DNAJB6: variants seen among roughly 807,000 people sequenced by gnomAD.
DNAJB6 encodes the protein DnaJ heat shock protein family (Hsp40) member B6, also known as dnaJ homolog subfamily B member 6.
Under a neutral mutation model 42.7 loss-of-function variants are expected in DNAJB6, and 16 were observed. That is an observed-to-expected ratio of 0.37 (90% CI 0.25 to 0.57). The LOEUF is 0.57. Among genes scored for constraint, DNAJB6 ranks in the 20% least tolerant of loss-of-function variants. The pLI is 0.74. For missense variants in DNAJB6, 347 were observed against 416.8 expected, an observed-to-expected ratio of 0.83 and a Z score of 1.46; for synonymous variants, 170 against 163.5, an observed-to-expected ratio of 1.04 and a Z score of -0.30.
intron 5 of DNAJB6, among the ~76,000 whole-genome samples, chr7:157,376,275 T>A (rs983453858): frequency 6.6e-6 from 1 of 150,564 alleles, no homozygotes; most frequent in Non-Finnish European, 1.5e-5. Flanking sequence ...TATATATATA[T>A]TTTTTGGTCA....
chr7:157,367,717 G>A (rs201270555), intron 5 of DNAJB6, among the ~76,000 whole-genome samples: 1 of 152,072 alleles, frequency 6.6e-6, no homozygotes, highest in East Asian at 1.9e-4. Context: ...AAATTAGCCG[G>A]GCATGGTGGC....
chr7:157,345,545 G>C (rs918922178), intron 1 of DNAJB6, among the ~76,000 whole-genome samples: 1 of 152,036 alleles, frequency 6.6e-6, no homozygotes, highest in African/African-American at 2.4e-5. Flanking sequence ...TCAAGCTCTT[G>C]GGCTCAAGTG....
chr7:157,362,041 C>T (rs1244442588), intron 2 of DNAJB6, among the ~76,000 whole-genome samples: 1 of 152,192 alleles, frequency 6.6e-6, no homozygotes, highest in Admixed American at 6.5e-5. Flanking sequence ...GCTGGGATTA[C>T]AGGTGTGAGC....
intron 8 of DNAJB6, among the ~76,000 whole-genome samples, chr7:157,394,790 G>A (rs1335410633): frequency 2.0e-5 from 3 of 151,888 alleles, no homozygotes; most frequent in Non-Finnish European, 4.4e-5. Context: ...GCCTCTCAGC[G>A]GAGCTTAGAA....
chr7:157,372,092 G>T (rs945063552), intron 5 of DNAJB6: 4 of 152,568 alleles, frequency 2.6e-5, no homozygotes, highest in Non-Finnish European at 5.9e-5. Context: ...ATAGTAACCT[G>T]ACTTTCTGAC....
At chr7:157,367,601 C>G (rs1330017275) in intron 5 of DNAJB6, 118 bp downstream of exon 5, 2 of 695,582 alleles carry the variant, frequency 2.9e-6, no homozygotes, top group Admixed American at 4.1e-5. Context: ...TGGCTCATGC[C>G]TGTAATCCCA....
At position 157,416,087 on chromosome 7, in the gene DNAJB6, G is replaced by T. The variant is rs1405569854; in HGVS notation, c.970G>T (p.Gly324Cys). Residue 324 changes from glycine to cysteine, a missense_variant, in exon 10 of 10, where the codon GGC becomes TGC. Gly to Cys is a radical substitution (Grantham distance 159, BLOSUM62 -3). This residue lies in a region of DNAJB6 where 264 missense variants were observed against 288.0 expected (regional missense o/e 0.92). Transcript: ENST00000262177. ...EESKKKKSTK[G>C]NH Reference sequence around the variant, plus strand: ...GTCGAAGAAGAAGAAGTCGACCAAAGGCAATCACTAGACCGGACTTGAGGC... The same window carrying T: ...GTCGAAGAAGAAGAAGTCGACCAAATGCAATCACTAGACCGGACTTGAGGC... 10 of 1,613,714 alleles carry T rather than the reference G, an allele frequency of 6.2e-6. No homozygotes were observed. The highest frequency in any genetic ancestry group is 1.7e-5 in the Admixed American group (1 of 59,930).
chr7:157,361,923 C>T (rs997479792), intron 2 of DNAJB6, among the ~76,000 whole-genome samples: 4 of 152,084 alleles, frequency 2.6e-5, no homozygotes, highest in African/African-American at 9.6e-5. Flanking sequence ...TGCGTGCCTT[C>T]ATGTCCGGCT....
chr7:157,342,704 C>G (rs1220351728), intron 1 of DNAJB6, among the ~76,000 whole-genome samples: 2 of 151,822 alleles, frequency 1.3e-5, no homozygotes. Context: ...CCACCTTCCT[C>G]GACCTTCCAA....
chr7:157,356,768 GAAC>G (rs1202393755), intron 1 of DNAJB6, among the ~76,000 whole-genome samples: 1 of 152,090 alleles, frequency 6.6e-6, no homozygotes, highest in African/African-American at 2.4e-5. Context: ...AAAATACTGG[GAAC>G]AAATCTACTT....
intron 1 of DNAJB6, among the ~76,000 whole-genome samples, chr7:157,350,762 T>A (rs1317585): frequency 0.051 from 7,717 of 151,714 alleles, 228 homozygotes; most frequent in African/African-American, 0.085. Context: ...CGATCTTGGC[T>A]CACTGCAACC....
At chr7:157,374,644 C>G (rs1319806927) in intron 5 of DNAJB6, among the ~76,000 whole-genome samples, 1 of 152,122 alleles carries the variant, frequency 6.6e-6, no homozygotes, top group Non-Finnish European at 1.5e-5. Context: ...TTTTTCAGTA[C>G]ATACTTGGTC....
At chr7:157,386,198 T>C (rs972038686) in intron 8 of DNAJB6, 113 of 972,118 alleles carry the variant, frequency 1.2e-4, no homozygotes, top group South Asian at 1.4e-4. Flanking sequence ...TGTTTAAATA[T>C]GTAATGTTAA....
chr7:157,385,882 C>T, intron 8 of DNAJB6: 5 of 1,063,896 alleles, frequency 4.7e-6, no homozygotes, highest in Non-Finnish European at 6.2e-6. Context: ...TCTCTGTATG[C>T]ACTTTGCTTT....
intron 5 of DNAJB6, chr7:157,368,956 C>CT (rs2117003719): frequency 3.4e-6 from 1 of 296,134 alleles, no homozygotes; most frequent in African/African-American, 2.3e-5. Context: ...GGTCTTGGGC[C>CT]TTTTGCATGG....
rs1449693151 is a variant in DNAJB6 at position 157,416,482 on chromosome 7, G to A, written c.*384G>A. The A allele has an allele frequency of 5.1e-6, 1 of 195,902 alleles. No individual in the cohort carries two copies. The highest frequency in any genetic ancestry group is 1.1e-5 in the Non-Finnish European group (1 of 94,812). 12.1% of individuals were successfully genotyped at this position (195,902 alleles called of 1,614,324 possible). On this transcript the variant is annotated 3_prime_UTR_variant, in exon 10 of 10. Transcript: ENST00000262177. ...TAACTGAGTAACATTCATGAAATGA[G>A]GCTTTCTGTGGCGGCGTAGTGTTTG...
At chr7:157,408,076 G>A (rs1795837020) in intron 8 of DNAJB6, among the ~76,000 whole-genome samples, 2 of 152,176 alleles carry the variant, frequency 1.3e-5, no homozygotes, top group African/African-American at 2.4e-5. Context: ...AGCACGTGGA[G>A]TTCCCAAGGG....
At chr7:157,353,828 A>G (rs910812687) in intron 1 of DNAJB6, among the ~76,000 whole-genome samples, 8 of 145,326 alleles carry the variant, frequency 5.5e-5, no homozygotes, top group African/African-American at 2.3e-4. Context: ...ATGCACAGCT[A>G]CTTAAATTTT....
chr7:157,351,480 A>G (rs544083587), intron 1 of DNAJB6, among the ~76,000 whole-genome samples: 3 of 151,938 alleles, frequency 2.0e-5, no homozygotes, highest in Non-Finnish European at 4.4e-5. Context: ...ATACAAAAAA[A>G]AAATTGGCCA....
Sources: allele counts gnomAD v4.1 joint callset (sites outside exome capture counted in the v4.1 genomes callset), GRCh38; gene constraint gnomAD v4.1.1; regional missense constraint gnomAD v4.1.1; transcripts MANE v1.5; gene names NCBI Gene and HGNC (gene_info 2026-07-23, HGNC 2026-07-21).